The following KCNA6 variants were observed in gnomAD, a reference collection of about 807,000 sequenced individuals.
KCNA6 encodes potassium voltage-gated channel subfamily A member 6.
Under a neutral mutation model 29.5 loss-of-function variants are expected in KCNA6, and 17 were observed. The ratio of observed to expected loss-of-function variants is 0.58; its 90% confidence interval spans 0.39 to 0.86. The LOEUF is 0.86. Ranked by LOEUF, KCNA6 falls within the 40% of genes least tolerant of loss-of-function variation. KCNA6 has a pLI of 0.00. For missense variants in KCNA6, 450 were observed against 703.4 expected (o/e 0.64, Z 4.07); for synonymous variants, 296 against 304.7 (o/e 0.97, Z 0.30).
At chr12:4,828,915 G>A in the KCNA6 span, among the ~76,000 whole-genome samples, 1 of 152,194 alleles carries the variant, frequency 6.6e-6, no homozygotes, top group African/African-American at 2.4e-5. Context: ...ACGGAGTAAT[G>A]CAGTTGCCTG....
the KCNA6 span, among the ~76,000 whole-genome samples, chr12:4,849,451 C>T: frequency 6.7e-6 from 1 of 149,644 alleles, no homozygotes; most frequent in Middle Eastern, 3.5e-3. Flanking sequence ...TTACCTTTCA[C>T]CTGATGGCCA....
At chr12:4,832,809 T>C in the KCNA6 span, among the ~76,000 whole-genome samples, 1 of 152,164 alleles carries the variant, frequency 6.6e-6, no homozygotes. Flanking sequence ...CTTCATGAAG[T>C]CTTTATGTGG....
the KCNA6 span, among the ~76,000 whole-genome samples, chr12:4,844,517 G>A: frequency 1.7e-4 from 26 of 152,136 alleles, no homozygotes; most frequent in African/African-American, 5.8e-4. This position sits in a 1 kb window ranked among gnomAD's most constrained non-coding sequence, Gnocchi z 4.0. Flanking sequence ...GCTAAGCAAC[G>A]GGAACAGCAT....
the KCNA6 span, among the ~76,000 whole-genome samples, chr12:4,840,052 T>C: frequency 6.6e-6 from 1 of 152,168 alleles, no homozygotes. Flanking sequence ...AATGGATGGC[T>C]ATGGTAAGAG....
At chr12:4,844,848 AT>A in the KCNA6 span, among the ~76,000 whole-genome samples, 13,129 of 152,210 alleles carry the variant, frequency 0.086, 690 homozygotes, top group Non-Finnish European at 0.11. This position sits in a 1 kb window ranked among gnomAD's most constrained non-coding sequence, Gnocchi z 4.0. Flanking sequence ...GTATATTATA[AT>A]GTTCATTTAA....
rs752646472 is a variant in KCNA6, at chr12:4,810,668, T to C, written c.627T>C (p.Gly209=). The C allele has an allele frequency of 1.9e-6, 3 of 1,613,352 alleles. No homozygotes were observed. The highest frequency in any genetic ancestry group is 3.3e-5 in the Admixed American group (2 of 59,946). The change falls in exon 1 of 1, where the codon GGT becomes GGC. Residue 209 remains glycine (G), a synonymous_variant. Transcript: ENST00000280684. The surrounding 1 kb of genome is among the most constrained non-coding windows in gnomAD (Gnocchi z 7.5). ...TAGATGGTCGAGGTGGAAACAATGG[T>C]GGTGTGAGTCGAGTCTCCCCAGTTT...
chr12:4,848,321 C>T, the KCNA6 span, among the ~76,000 whole-genome samples: 1 of 152,154 alleles, frequency 6.6e-6, no homozygotes, highest in Non-Finnish European at 1.5e-5. Flanking sequence ...TCACTGACAT[C>T]AGCAGGGACT....
At chr12:4,818,651 G>A in the KCNA6 span, among the ~76,000 whole-genome samples, 4 of 152,174 alleles carry the variant, frequency 2.6e-5, no homozygotes, top group African/African-American at 9.7e-5. Context: ...ACAGTAATGT[G>A]TGTTTCATCC....
At chr12:4,821,520 G>C in the KCNA6 span, among the ~76,000 whole-genome samples, 2 of 151,852 alleles carry the variant, frequency 1.3e-5, no homozygotes, top group Admixed American at 6.6e-5. Flanking sequence ...CATGCCTCCA[G>C]CAATTCCAAA....
At chr12:4,818,173 G>T (rs1431494420), downstream of KCNA6, among the ~76,000 whole-genome samples, 2 of 152,212 alleles carry the variant, frequency 1.3e-5, no homozygotes, top group Non-Finnish European at 2.9e-5. Context: ...ATCTGAGGTT[G>T]CAGGATTTAT....
chr12:4,818,837 T>C, the KCNA6 span, among the ~76,000 whole-genome samples: 4 of 119,598 alleles, frequency 3.3e-5, no homozygotes, highest in South Asian at 1.1e-3. Flanking sequence ...TCCCTGAAAG[T>C]GCACACACAC....
the KCNA6 span, among the ~76,000 whole-genome samples, chr12:4,844,145 A>G: frequency 1.6e-4 from 25 of 152,196 alleles, no homozygotes; most frequent in Non-Finnish European, 3.1e-4. This position sits in a 1 kb window ranked among gnomAD's most constrained non-coding sequence, Gnocchi z 4.0. Flanking sequence ...AGCACCTACT[A>G]TGTGCCAGTC....
the KCNA6 span, among the ~76,000 whole-genome samples, chr12:4,841,993 C>T: frequency 6.8e-6 from 1 of 147,308 alleles, no homozygotes; most frequent in African/African-American, 2.5e-5. Context: ...CAAAAGATTT[C>T]TTCCTTTTAT....
chr12:4,848,124 A>G, the KCNA6 span, among the ~76,000 whole-genome samples: 4 of 152,160 alleles, frequency 2.6e-5, no homozygotes, highest in South Asian at 8.3e-4. Context: ...TCCAGAATAA[A>G]TTTTACATCT....
the KCNA6 span, among the ~76,000 whole-genome samples, chr12:4,828,275 A>G: frequency 1.3e-5 from 2 of 152,158 alleles, no homozygotes; most frequent in Non-Finnish European, 2.9e-5. Context: ...CTGTATCTGT[A>G]TATCTATAGA....
chr12:4,844,623 T>G, the KCNA6 span, among the ~76,000 whole-genome samples: 1 of 151,142 alleles, frequency 6.6e-6, no homozygotes, highest in African/African-American at 2.4e-5. This position sits in a 1 kb window ranked among gnomAD's most constrained non-coding sequence, Gnocchi z 4.0. Flanking sequence ...AGGAGGAGAG[T>G]AATTTGGGTG....
At chr12:4,815,036 G>C (rs759243048), downstream of KCNA6, among the ~76,000 whole-genome samples, 1 of 151,942 alleles carries the variant, frequency 6.6e-6, no homozygotes, top group Non-Finnish European at 1.5e-5. Flanking sequence ...CTTTTTCTGT[G>C]CATTTTTCTC....
downstream of KCNA6, among the ~76,000 whole-genome samples, chr12:4,818,042 A>G (rs1432460078): frequency 6.6e-6 from 1 of 152,146 alleles, no homozygotes; most frequent in Non-Finnish European, 1.5e-5. Context: ...GAGACAGACA[A>G]ACCTGCTCTT....
At chr12:4,836,105 A>ATTTTTTT in the KCNA6 span, among the ~76,000 whole-genome samples, 2 of 137,298 alleles carry the variant, frequency 1.5e-5, no homozygotes, top group Admixed American at 7.4e-5. Context: ...ATGCCTGGCT[A>ATTTTTTT]TTTTTTTTTT....
Sources: gnomAD v4.1 joint callset for allele counts (sites outside exome capture counted in the v4.1 genomes callset) on GRCh38, gnomAD v4.1.1 for gene constraint, Gnocchi (gnomAD v3.1) non-coding constraint, MANE v1.5 for transcripts, NCBI Gene and HGNC (gene_info 2026-07-23, HGNC 2026-07-21) for gene names.